The following FSTL1 variants were observed in gnomAD, a reference collection of about 807,000 sequenced individuals.
FSTL1 encodes the protein follistatin-related protein 1.
In FSTL1, 24 loss-of-function variants were observed where a neutral mutation model predicts 45.9. The observed-to-expected ratio is 0.52, with a 90% CI of 0.38 to 0.74. The LOEUF is 0.74. FSTL1 is among the 30% of genes least tolerant of loss of function. The pLI is 0.00. For synonymous variants in FSTL1, 120 were observed against 137.6 expected (o/e 0.87, Z 0.89); for missense variants, 340 against 381.8 (o/e 0.89, Z 0.91).
intron 2 of FSTL1, among the ~76,000 whole-genome samples, chr3:120,433,592 A>G (rs1352893996): frequency 6.6e-6 from 1 of 152,238 alleles, no homozygotes; most frequent in Admixed American, 6.5e-5. Context: ...CCTATTCTAA[A>G]GGAGTACATG....
At chr3:120,401,958 C>T (rs1936835732) in intron 9 of FSTL1, among the ~76,000 whole-genome samples, 2 of 152,206 alleles carry the variant, frequency 1.3e-5, no homozygotes, top group African/African-American at 4.8e-5. Flanking sequence ...GCAGACCTGG[C>T]TTCAACACCC....
In FSTL1 at chr3:120,450,907, TC is replaced by T; in HGVS notation, c.-12del. 1 of 513,394 alleles carries T rather than the reference TC, an allele frequency of 1.9e-6. No homozygotes were observed. The highest frequency in any genetic ancestry group is 3.4e-6 in the Non-Finnish European group (1 of 295,126). 31.8% of individuals were successfully genotyped at this position (513,394 alleles called of 1,614,324 possible). On this transcript the variant is annotated 5_prime_UTR_variant, in exon 1 of 11. Coordinates refer to ENST00000295633, the MANE Select transcript of FSTL1 (RefSeq NM_007085.5). ...GCGCCCTGCGCTCACCGTGGTCTGG[TC>T]CAGGTCTCCTGGGGGCGCGGGGCAG...
At chr3:120,423,455 G>A (rs559081112) in intron 2 of FSTL1, 29 of 152,242 alleles carry the variant, frequency 1.9e-4, no homozygotes, top group Middle Eastern at 3.4e-3. Flanking sequence ...TTAGAAACAT[G>A]TTAGGCCTGT....
At chr3:120,421,217 T>G (rs1049375146) in intron 2 of FSTL1, 16 of 152,168 alleles carry the variant, frequency 1.1e-4, no homozygotes, top group Non-Finnish European at 1.9e-4. Flanking sequence ...TAACATGAAG[T>G]GGGCCGGCTC....
chr3:120,435,932 A>T (rs1937546806), intron 2 of FSTL1, among the ~76,000 whole-genome samples: 1 of 152,204 alleles, frequency 6.6e-6, no homozygotes, highest in South Asian at 2.1e-4. Context: ...TATTTGATCA[A>T]ATGTGTATGG....
chr3:120,433,252 AC>A, intron 2 of FSTL1, among the ~76,000 whole-genome samples: 1 of 152,352 alleles, frequency 6.6e-6, no homozygotes, highest in African/African-American at 2.4e-5. Flanking sequence ...TTCCAACTTC[AC>A]CTGGGACTGA....
chr3:120,449,041 G>A (rs1039192748), intron 2 of FSTL1, among the ~76,000 whole-genome samples: 1 of 152,192 alleles, frequency 6.6e-6, no homozygotes, highest in Non-Finnish European at 1.5e-5. Context: ...ATGGAGAAAT[G>A]TTTCTTAACC....
intron 2 of FSTL1, among the ~76,000 whole-genome samples, chr3:120,436,678 G>A (rs553996062): frequency 6.6e-6 from 1 of 152,344 alleles, no homozygotes; most frequent in South Asian, 2.1e-4. Flanking sequence ...AAAACTAGAG[G>A]AAGGGGAACA....
chr3:120,400,504 C>T (rs933903690), intron 9 of FSTL1, among the ~76,000 whole-genome samples: 3 of 152,112 alleles, frequency 2.0e-5, no homozygotes, highest in African/African-American at 7.2e-5. Flanking sequence ...CAGTGATAAA[C>T]AAAAACAAAA....
intron 2 of FSTL1, among the ~76,000 whole-genome samples, chr3:120,417,275 T>C (rs1284125604): frequency 1.3e-5 from 2 of 151,676 alleles, no homozygotes; most frequent in Non-Finnish European, 2.9e-5. Flanking sequence ...TGTTTTATAC[T>C]CAAGATTAGG....
At chr3:120,439,070 A>C (rs1937601043) in intron 2 of FSTL1, among the ~76,000 whole-genome samples, 1 of 152,210 alleles carries the variant, frequency 6.6e-6, no homozygotes, top group Non-Finnish European at 1.5e-5. Flanking sequence ...AAAGGCACAG[A>C]GCCAAGCAGA....
intron 2 of FSTL1, among the ~76,000 whole-genome samples, chr3:120,449,218 T>TA (rs1168887631): frequency 2.0e-5 from 3 of 152,244 alleles, no homozygotes; most frequent in African/African-American, 7.2e-5. Flanking sequence ...GCAAGTTACC[T>TA]AATCTCCTTA....
chr3:120,446,510 T>C (rs984182102), intron 2 of FSTL1, among the ~76,000 whole-genome samples: 2 of 152,362 alleles, frequency 1.3e-5, no homozygotes, highest in South Asian at 4.1e-4. Context: ...GCCCCTGCTA[T>C]GTTTTACACC....
chr3:120,438,967 C>T (rs1349855030), intron 2 of FSTL1, among the ~76,000 whole-genome samples: 1 of 152,174 alleles, frequency 6.6e-6, no homozygotes, highest in African/African-American at 2.4e-5. Context: ...TGCCAGTCCC[C>T]CGGGACAGTT....
intron 2 of FSTL1, among the ~76,000 whole-genome samples, chr3:120,425,549 G>A (rs1008664952): frequency 5.9e-5 from 9 of 152,220 alleles, no homozygotes; most frequent in East Asian, 1.9e-4. Flanking sequence ...ACCTCTCTGG[G>A]CCTCAGTTTC....
chr3:120,415,905 C>T lies in FSTL1; in HGVS notation c.168+18G>A. 2.6e-6 allele frequency: 4 copies of T among 1,527,180 alleles called. No homozygotes were observed. The highest frequency in any genetic ancestry group is 3.6e-6 in the Non-Finnish European group (4 of 1,100,756). 94.6% of individuals were successfully genotyped at this position (1,527,180 alleles called of 1,614,324 possible). A position where few individuals can be genotyped will look rare whatever the true frequency, so the allele number is the denominator to read the frequency against. On this transcript the variant is annotated intron_variant, in intron 3 of 10. Coordinates refer to ENST00000295633, the MANE Select transcript of FSTL1 (RefSeq NM_007085.5). ...TGGCCTTGGCCACTGTCCTCTGGCT[C>T]CCGACATCAGGACTTACCTCAATGC...
chr3:120,442,887 G>A (rs1432336511), intron 2 of FSTL1, among the ~76,000 whole-genome samples: 1 of 126,162 alleles, frequency 7.9e-6, no homozygotes, highest in Non-Finnish European at 1.5e-5. Context: ...CAGACCCCCA[G>A]AACGGTCACA....
At chr3:120,438,004 C>T (rs1178390410) in intron 2 of FSTL1, among the ~76,000 whole-genome samples, 1 of 152,132 alleles carries the variant, frequency 6.6e-6, no homozygotes, top group African/African-American at 2.4e-5. Context: ...TTCATTAATA[C>T]TTGTTCAGGA....
chr3:120,403,085 T>G (rs1936859759), intron 8 of FSTL1, among the ~76,000 whole-genome samples, 157 bp downstream of exon 8: 1 of 152,104 alleles, frequency 6.6e-6, no homozygotes, highest in Admixed American at 6.6e-5. Context: ...TGTGGGGCCC[T>G]AACTTCACCA....
Sources: allele counts gnomAD v4.1 joint callset (sites outside exome capture counted in the v4.1 genomes callset), GRCh38; gene constraint gnomAD v4.1.1; transcripts MANE v1.5; gene names NCBI Gene and HGNC (gene_info 2026-07-23, HGNC 2026-07-21).